SLC35F1: variants seen among roughly 807,000 people sequenced by gnomAD.
The protein encoded by SLC35F1 is chromosome 6 open reading frame 169.
In SLC35F1, 14 loss-of-function variants were observed where a neutral mutation model predicts 48.7. The observed-to-expected ratio is 0.29, with a 90% CI of 0.19 to 0.45. The LOEUF is 0.45. SLC35F1 is among the 20% of genes least tolerant of loss of function. The pLI is 1.00. For missense variants in SLC35F1, 404 were observed against 500.0 expected, an observed-to-expected ratio of 0.81 and a Z score of 1.83; for synonymous variants, 190 against 202.2, an observed-to-expected ratio of 0.94 and a Z score of 0.51.
intron 7 of SLC35F1, among the ~76,000 whole-genome samples, chr6:118,292,128 T>TAATA (rs550985748): frequency 0.024 from 3,656 of 151,652 alleles, 67 homozygotes; most frequent in Middle Eastern, 0.065. Flanking sequence ...AAAAACTAAA[T>TAATA]AATAAATAAA....
At chr6:117,927,747 T>C in intron 1 of SLC35F1, among the ~76,000 whole-genome samples, 1 of 152,196 alleles carries the variant, frequency 6.6e-6, no homozygotes, top group East Asian at 1.9e-4. Context: ...ATGGGATGGA[T>C]GTGCTTCCAC....
intron 3 of SLC35F1, among the ~76,000 whole-genome samples, chr6:118,252,656 C>T (rs947877508): frequency 2.0e-5 from 3 of 152,016 alleles, no homozygotes; most frequent in South Asian, 2.1e-4. Context: ...ATATAGATGG[C>T]GCTAAAGGTC....
rs147321603 is a variant in SLC35F1, at chr6:117,947,337, G to T, written c.173+39438G>T. 1.5e-3 allele frequency among the ~76,000 whole-genome samples: 232 copies of T among 152,280 alleles called. 2 individuals carry two copies. Among genetic ancestry groups the T allele is most frequent in the Middle Eastern group, 6.8e-3 (2 of 294 alleles). On this transcript the variant is annotated intron_variant, in intron 1 of 7. Coordinates refer to ENST00000360388, the MANE Select transcript of SLC35F1 (RefSeq NM_001029858.4). ...AAGTACTGGGAGGACAGTGAGAAAT[G>T]AGATTCTAGAGATGAAAGGAGGACT...
At chr6:118,076,737 A>T (rs1772824575) in intron 1 of SLC35F1, among the ~76,000 whole-genome samples, 1 of 152,204 alleles carries the variant, frequency 6.6e-6, no homozygotes, top group African/African-American at 2.4e-5. Flanking sequence ...AATAATTCAT[A>T]TTCTCACCAT....
intron 1 of SLC35F1, among the ~76,000 whole-genome samples, chr6:118,071,029 C>T (rs111210527): frequency 0.7 from 5,589 of 8,006 alleles, 2,009 homozygotes; most frequent in Middle Eastern, 0.88. Flanking sequence ...ATATATTCTA[C>T]GTGTATATAT....
At chr6:118,113,472 GCTAT>G (rs1018196035) in intron 1 of SLC35F1, among the ~76,000 whole-genome samples, 1 of 151,992 alleles carries the variant, frequency 6.6e-6, no homozygotes, top group African/African-American at 2.4e-5. Context: ...AAGAGGAGGG[GCTAT>G]CTATGTGTGG....
chr6:118,062,941 T>C (rs181625097), intron 1 of SLC35F1, among the ~76,000 whole-genome samples: 38 of 152,272 alleles, frequency 2.5e-4, no homozygotes, highest in African/African-American at 8.2e-4. Context: ...AATATTTGCT[T>C]ATAAAGGCAT....
rs759966984 is a variant in SLC35F1, at chr6:118,224,386, G to GT, written c.350-11116dup. Among the ~76,000 whole-genome samples, 4 of 152,128 alleles carry GT rather than the reference G, an allele frequency of 2.6e-5. No individual in the cohort carries two copies. The East Asian group carries it at 5.8e-4, about 22-fold the overall frequency. On this transcript the variant is annotated intron_variant, in intron 2 of 7. Transcript: ENST00000360388. Reference sequence around the variant, plus strand: ...CACCTGGAAAGGAAACTAGTTGGCTGTTTTTTTACTGTTTTGTTTTGTTTT... The same window carrying GT: ...CACCTGGAAAGGAAACTAGTTGGCTGTTTTTTTTACTGTTTTGTTTTGTTTT...
intron 1 of SLC35F1, among the ~76,000 whole-genome samples, chr6:118,013,104 G>C (rs1777273347): frequency 6.6e-6 from 1 of 152,140 alleles, no homozygotes; most frequent in Admixed American, 6.5e-5. Flanking sequence ...ATGAAGAGTT[G>C]TTCAGTGCAG....
intron 3 of SLC35F1, among the ~76,000 whole-genome samples, chr6:118,249,575 C>T (rs1451587857): frequency 6.6e-6 from 1 of 152,152 alleles, no homozygotes; most frequent in Non-Finnish European, 1.5e-5. Context: ...AGCCTGCTTC[C>T]ATTGGCAATG....
chr6:118,190,540 T>A (rs1774718120), intron 2 of SLC35F1, among the ~76,000 whole-genome samples: 1 of 152,108 alleles, frequency 6.6e-6, no homozygotes, highest in African/African-American at 2.4e-5. Context: ...TGATTTTGGG[T>A]TTCTAGTCTC....
intron 1 of SLC35F1, among the ~76,000 whole-genome samples, chr6:118,013,568 A>T (rs1459501987): frequency 6.6e-6 from 1 of 152,150 alleles, no homozygotes; most frequent in Non-Finnish European, 1.5e-5. Flanking sequence ...TTCAATATCT[A>T]CCCCACCTTT....
In SLC35F1 at chr6:118,076,427, A is replaced by G. The variant is rs549677360; in HGVS notation, c.174-78018A>G. On this transcript the variant is annotated intron_variant, in intron 1 of 7. Coordinates refer to ENST00000360388, the MANE Select transcript of SLC35F1 (RefSeq NM_001029858.4). ...AGAGGTTTAATTGACTCACGGTTCT[A>G]CAGGCCGTACAGGAGGCATGGCTGG... Among the ~76,000 whole-genome samples the G allele has an allele frequency of 2.6e-5, 4 of 152,320 alleles. No homozygotes were observed. In the East Asian group the frequency reaches 7.7e-4, roughly 29 times the overall value.
intron 1 of SLC35F1, among the ~76,000 whole-genome samples, chr6:118,067,706 G>C (rs1772637108): frequency 6.6e-6 from 1 of 152,102 alleles, no homozygotes; most frequent in East Asian, 1.9e-4. Context: ...TAATGGTGGG[G>C]GTTTAAATTA....
chr6:118,140,273 T>A (rs1202734983), intron 1 of SLC35F1, among the ~76,000 whole-genome samples: 1 of 152,176 alleles, frequency 6.6e-6, no homozygotes, highest in Admixed American at 6.5e-5. Flanking sequence ...CATATAGTCA[T>A]AGGCTTCATA....
At chr6:118,156,617 T>C (rs1774146770) in intron 2 of SLC35F1, among the ~76,000 whole-genome samples, 1 of 151,772 alleles carries the variant, frequency 6.6e-6, no homozygotes, top group Admixed American at 6.6e-5. Context: ...TGTATACCTA[T>C]GTATCAAACC....
chr6:117,970,850 G>C (rs910004515), intron 1 of SLC35F1, among the ~76,000 whole-genome samples: 1 of 152,122 alleles, frequency 6.6e-6, no homozygotes, highest in Admixed American at 6.6e-5. Context: ...TCCCTTTCAC[G>C]ACATGTAGGG....
At chr6:118,051,371 C>G (rs1445799758) in intron 1 of SLC35F1, among the ~76,000 whole-genome samples, 2 of 152,162 alleles carry the variant, frequency 1.3e-5, no homozygotes, top group Non-Finnish European at 2.9e-5. Context: ...TTGCACTTGA[C>G]TATTGCTCAG....
intron 1 of SLC35F1, among the ~76,000 whole-genome samples, chr6:117,978,294 C>T (rs1333828017): frequency 3.3e-5 from 5 of 151,886 alleles, no homozygotes; most frequent in African/African-American, 1.2e-4. Flanking sequence ...CCTCCCCTGG[C>T]CCCCACCCTC....
Sources: allele counts gnomAD v4.1 joint callset (sites outside exome capture counted in the v4.1 genomes callset), GRCh38; gene constraint gnomAD v4.1.1; transcripts MANE v1.5; gene names NCBI Gene and HGNC (gene_info 2026-07-23, HGNC 2026-07-21).